PSD3: variants seen among roughly 807,000 people sequenced by gnomAD.
The protein encoded by PSD3 is pleckstrin and Sec7 domain containing 3.
Under a neutral mutation model 105.5 loss-of-function variants are expected in PSD3, and 49 were observed. That is an observed-to-expected ratio of 0.46 (90% CI 0.37 to 0.59). The LOEUF is 0.59. PSD3 is among the 20% of genes least tolerant of loss of function. PSD3 has a pLI of 0.00. For missense variants in PSD3, 1,561 were observed against 1,263.8 expected (o/e 1.24, Z -3.57); for synonymous variants, 557 against 457.8 (o/e 1.22, Z -2.77).
intron 11 of PSD3, among the ~76,000 whole-genome samples, chr8:18,606,191 T>C (rs778100324): frequency 2.1e-4 from 32 of 152,224 alleles, no homozygotes; most frequent in Admixed American, 3.9e-4. Context: ...ATCTTCATGA[T>C]TGTAACCTGA....
intron 4 of PSD3, among the ~76,000 whole-genome samples, chr8:18,829,467 T>C (rs1017993520): frequency 2.0e-5 from 3 of 152,200 alleles, no homozygotes; most frequent in Non-Finnish European, 2.9e-5. Flanking sequence ...CTAGTGCCTA[T>C]AGAATCCCGT....
intron 15 of PSD3, among the ~76,000 whole-genome samples, chr8:18,555,114 C>T (rs1800987740): frequency 6.6e-6 from 1 of 151,912 alleles, no homozygotes; most frequent in Admixed American, 6.6e-5. Context: ...CAGAGGAATG[C>T]CGTCATCTGG....
At chr8:19,045,746 T>C (rs1828295877) in intron 1 of PSD3, among the ~76,000 whole-genome samples, 2 of 152,144 alleles carry the variant, frequency 1.3e-5, no homozygotes, top group Admixed American at 1.3e-4. Context: ...AACCAGCTAG[T>C]GTTGGGAGGG....
intron 9 of PSD3, among the ~76,000 whole-genome samples, chr8:18,694,158 A>C (rs1404587324): frequency 4.6e-5 from 7 of 152,186 alleles, no homozygotes; most frequent in Non-Finnish European, 7.3e-5. Flanking sequence ...ACCACACAGT[A>C]AATCATCATC....
chr8:18,804,101 T>C (rs914644747), intron 6 of PSD3, among the ~76,000 whole-genome samples: 6 of 152,184 alleles, frequency 3.9e-5, no homozygotes, highest in Non-Finnish European at 7.3e-5. Flanking sequence ...AATGAATACG[T>C]TTTTCTTACT....
intron 2 of PSD3, among the ~76,000 whole-genome samples, chr8:18,881,817 A>T (rs10503640): frequency 6.6e-6 from 1 of 152,124 alleles, no homozygotes; most frequent in African/African-American, 2.4e-5. Flanking sequence ...CTTTACAATT[A>T]TATCTCCAGA....
chr8:18,781,732 G>C (rs564548221), intron 8 of PSD3, among the ~76,000 whole-genome samples: 8 of 152,146 alleles, frequency 5.3e-5, no homozygotes, highest in Non-Finnish European at 8.8e-5. Flanking sequence ...CCTATATCTA[G>C]ATGTCTGTAT....
At chr8:18,848,401 C>T (rs763786546) in intron 4 of PSD3, among the ~76,000 whole-genome samples, 6 of 152,216 alleles carry the variant, frequency 3.9e-5, no homozygotes, top group Non-Finnish European at 8.8e-5. Flanking sequence ...AGCCTCTTGC[C>T]AGAGCTGGTC....
chr8:19,067,223 T>C lies in PSD3; in HGVS notation c.324+16983A>G, dbSNP rs567187349. Among the ~76,000 whole-genome samples the C allele has an allele frequency of 7.9e-5, 12 of 152,280 alleles. No individual in the cohort carries two copies. In the South Asian group the frequency reaches 1.7e-3, roughly 21 times the overall value. On this transcript the variant is annotated intron_variant, in intron 1 of 1. Coordinates refer to the PSD3 transcript ENST00000521475. ...AAGTCAGAGGAAAATATGATAGTAA[T>C]AGTAACTAATAGTAACTACAGTAGT...
intron 1 of PSD3, among the ~76,000 whole-genome samples, chr8:18,975,543 G>C (rs1408580431): frequency 6.6e-6 from 1 of 152,054 alleles, no homozygotes; most frequent in Non-Finnish European, 1.5e-5. Flanking sequence ...TTATCCATAA[G>C]ATTAAAATAG....
intron 8 of PSD3, chr8:18,774,983 C>T (rs759404637): frequency 2.2e-6 from 1 of 456,168 alleles, no homozygotes; most frequent in South Asian, 1.5e-5. Context: ...CATTAATCAA[C>T]CTTTCAAAAC....
At chr8:18,580,490 C>A (rs1229004777) in intron 12 of PSD3, among the ~76,000 whole-genome samples, 2 of 152,026 alleles carry the variant, frequency 1.3e-5, no homozygotes, top group African/African-American at 2.4e-5. Context: ...GTCAAAGCTG[C>A]AGTGAACTGT....
At chr8:18,589,875 T>C (rs994841878) in intron 12 of PSD3, among the ~76,000 whole-genome samples, 2 of 152,206 alleles carry the variant, frequency 1.3e-5, no homozygotes, top group African/African-American at 4.8e-5. Flanking sequence ...ACAAGTAAGT[T>C]GTTCTTTGCG....
At chr8:18,779,984 T>A (rs1808452681) in intron 8 of PSD3, among the ~76,000 whole-genome samples, 1 of 152,212 alleles carries the variant, frequency 6.6e-6, no homozygotes, top group African/African-American at 2.4e-5. Flanking sequence ...TGTTGATGAC[T>A]TGGCTAGATG....
intron 2 of PSD3, among the ~76,000 whole-genome samples, chr8:18,917,233 C>T (rs1180091569): frequency 2.6e-5 from 4 of 152,196 alleles, no homozygotes; most frequent in Admixed American, 2.6e-4. Flanking sequence ...ATGTGTCCCT[C>T]GCATTCCTGC....
chr8:18,672,512 G>A (rs1272711873), intron 9 of PSD3, among the ~76,000 whole-genome samples: 3 of 152,150 alleles, frequency 2.0e-5, no homozygotes, highest in Admixed American at 6.5e-5. Flanking sequence ...CTCACCCAGT[G>A]GATAGCAGGC....
At chr8:18,786,179 G>A (rs1809132492) in intron 8 of PSD3, among the ~76,000 whole-genome samples, 1 of 152,120 alleles carries the variant, frequency 6.6e-6, no homozygotes, top group Non-Finnish European at 1.5e-5. Context: ...ACTCCAGCCT[G>A]GGTGACACAG....
intron 12 of PSD3, among the ~76,000 whole-genome samples, chr8:18,577,668 T>C (rs1314982417): frequency 1.3e-5 from 2 of 152,122 alleles, no homozygotes; most frequent in Non-Finnish European, 2.9e-5. Flanking sequence ...GTCTTTCTTT[T>C]ACGAAAATGC....
At chr8:19,049,153 TAC>T (rs1368651408) in intron 1 of PSD3, among the ~76,000 whole-genome samples, 1 of 152,140 alleles carries the variant, frequency 6.6e-6, no homozygotes, top group African/African-American at 2.4e-5. Context: ...TATCGCCAAA[TAC>T]AGTCACATTT....
Sources: allele counts gnomAD v4.1 joint callset (sites outside exome capture counted in the v4.1 genomes callset), GRCh38; gene constraint gnomAD v4.1.1; transcripts MANE v1.5; gene names NCBI Gene and HGNC (gene_info 2026-07-23, HGNC 2026-07-21).